Variants in PKHD1L1 observed in about 807,000 individuals in gnomAD.
PKHD1L1 encodes fibrocystin-L.
PKHD1L1 carries 434 observed loss-of-function variants against 462.9 expected under a neutral mutation model. The ratio of observed to expected loss-of-function variants is 0.94; its 90% CI spans 0.87 to 1.02. The LOEUF is 1.02. Ranked by LOEUF, PKHD1L1 falls within the 50% of genes least tolerant of loss-of-function variation. PKHD1L1 has a pLI of 0.00. For synonymous variants in PKHD1L1, 1,781 were observed against 1,750.0 expected (o/e 1.02, Z -0.44); for missense variants, 5,202 against 5,096.1 (o/e 1.02, Z -0.63).
chr8:109,379,015 G>A (rs140003005), intron 2 of PKHD1L1, among the ~76,000 whole-genome samples: 6 of 152,250 alleles, frequency 3.9e-5, no homozygotes, highest in Admixed American at 6.5e-5. Flanking sequence ...CAGTGCTAGC[G>A]CATTGGGCCC....
At chr8:109,521,412 G>A (rs1201543078) in intron 73 of PKHD1L1, among the ~76,000 whole-genome samples, 5 of 152,188 alleles carry the variant, frequency 3.3e-5, no homozygotes, top group African/African-American at 4.8e-5. Flanking sequence ...CAGTTTAAAA[G>A]TGGTTTTAGT....
chr8:109,522,440 C>A, intron 74 of PKHD1L1, 103 bp downstream of exon 74: 2 of 1,249,048 alleles, frequency 1.6e-6, no homozygotes, highest in East Asian at 2.6e-5. Flanking sequence ...AATAATTTAG[C>A]AGGCATGTCT....
chr8:109,401,142 G>A (rs1451350447), intron 13 of PKHD1L1, among the ~76,000 whole-genome samples: 1 of 152,052 alleles, frequency 6.6e-6, no homozygotes, highest in Non-Finnish European at 1.5e-5. Context: ...ATCTCTCAAA[G>A]TTCTCCACAG....
At chr8:109,387,895 A>G (rs541321543) in intron 6 of PKHD1L1, among the ~76,000 whole-genome samples, 52 of 152,298 alleles carry the variant, frequency 3.4e-4, no homozygotes, top group African/African-American at 1.3e-3. Flanking sequence ...CCAGCCTCCA[A>G]TAGCATCAGG....
At chr8:109,527,473 C>G (rs1563643080) in intron 77 of PKHD1L1, among the ~76,000 whole-genome samples, 1 of 152,134 alleles carries the variant, frequency 6.6e-6, no homozygotes, top group Non-Finnish European at 1.5e-5. Context: ...CACTGCACTC[C>G]AGCCTGCGTG....
chr8:109,477,762 T>G (rs1818067374), intron 53 of PKHD1L1, among the ~76,000 whole-genome samples: 1 of 152,164 alleles, frequency 6.6e-6, no homozygotes, highest in East Asian at 1.9e-4. Flanking sequence ...CACCAGAAAC[T>G]AAGTCTCCTC....
chr8:109,406,252 C>CGAGACA, intron 16 of PKHD1L1, 83 bp from the exon 17 acceptor site: 1 of 1,318,554 alleles, frequency 7.6e-7, no homozygotes, highest in Non-Finnish European at 1.0e-6. Flanking sequence ...AATATAAATA[C>CGAGACA]GAGACATCAG....
Position 109,486,630 on chromosome 8 carries a change from G to A in PKHD1L1, c.9707-18G>A. ...ACTTCTCAGCATTGGCAATAATCTA[G>A]CTGCCTTTATACTGCAGCTGAAAAA... is the stretch of plus-strand genomic sequence containing the variant. On this transcript the variant is annotated intron_variant, in intron 58 of 77. Coordinates refer to ENST00000378402, the MANE Select transcript of PKHD1L1 (RefSeq NM_177531.6). 1 of 1,604,024 alleles carries A rather than the reference G, an allele frequency of 6.2e-7. No homozygotes were observed. Among genetic ancestry groups the A allele is most frequent in the Non-Finnish European group, 8.5e-7 (1 of 1,174,450 alleles).
intron 17 of PKHD1L1, 139 bp from the exon 18 acceptor site, chr8:109,407,910 C>A (rs1813643184): frequency 2.3e-6 from 1 of 435,424 alleles, no homozygotes; most frequent in South Asian, 1.0e-4. Flanking sequence ...ATTCTTCCTT[C>A]TTTTCTGATA....
At chr8:109,437,182 G>A (rs907228661) in intron 30 of PKHD1L1, among the ~76,000 whole-genome samples, 1 of 152,114 alleles carries the variant, frequency 6.6e-6, no homozygotes, top group African/African-American at 2.4e-5. Flanking sequence ...CCAAAGTGCT[G>A]GGATTACAGA....
intron 18 of PKHD1L1, among the ~76,000 whole-genome samples, 159 bp from the exon 19 acceptor site, chr8:109,409,706 T>G (rs1387610779): frequency 6.6e-6 from 1 of 152,206 alleles, no homozygotes; most frequent in Admixed American, 6.5e-5. Context: ...ATTATCACAC[T>G]AACTTAAAAT....
Position 109,530,757 on chromosome 8 carries a change from T to A in PKHD1L1, c.*667T>A, listed in dbSNP as rs897991869. Among the ~76,000 whole-genome samples the A allele has an allele frequency of 6.6e-6, 1 of 152,150 alleles. No individual in the cohort carries two copies. The highest frequency in any genetic ancestry group is 2.4e-5 in the African/African-American group (1 of 41,448). ...TTTTGGAACAAGTCCAAACTCCTTC[T>A]CTGCCTACCCCTCCTTCCCACTCAA... is the stretch of plus-strand genomic sequence containing the variant. On this transcript the variant is annotated 3_prime_UTR_variant, in exon 78 of 78. Transcript: ENST00000378402.
chr8:109,460,549 G>A (rs1817065466), intron 47 of PKHD1L1, among the ~76,000 whole-genome samples: 2 of 152,076 alleles, frequency 1.3e-5, no homozygotes, highest in African/African-American at 4.8e-5. Flanking sequence ...GCACTGTCCT[G>A]TGCATCACAA....
chr8:109,498,665 T>A lies in PKHD1L1; in HGVS notation c.10722T>A (p.Ser3574Arg), dbSNP rs758356169. 1 of 1,613,908 alleles carries A rather than the reference T, an allele frequency of 6.2e-7. No homozygotes were observed. ...CTTTTTTGGTAAAAGGTGGGAGAAGTGGGATTTGTTGGCCTACCTTTGCTT... is the reference window on the plus strand; with the variant it reads ...CTTTTTTGGTAAAAGGTGGGAGAAGAGGGATTTGTTGGCCTACCTTTGCTT... ...RSPRSPSGGR[S>R]GICWPTFASA... Residue 3574 changes from serine (S) to arginine (R), a missense_variant, in exon 67 of 78, where the codon AGT (serine) becomes AGA (arginine). This residue lies in a region of PKHD1L1 where 4,497 missense variants were observed against 4,336.8 expected (regional missense o/e 1.04). Transcript: ENST00000378402.
intron 73 of PKHD1L1, 62 bp downstream of exon 73, chr8:109,518,570 C>A: frequency 7.3e-7 from 1 of 1,375,680 alleles, no homozygotes; most frequent in Non-Finnish European, 9.8e-7. Flanking sequence ...CCATAAATAA[C>A]CTGATCAGGG....
chr8:109,466,141 G>A (rs956340170), intron 49 of PKHD1L1, among the ~76,000 whole-genome samples: 14 of 152,156 alleles, frequency 9.2e-5, no homozygotes, highest in African/African-American at 2.9e-4. Context: ...ACTTTAAAGA[G>A]GGAGAATGTT....
At chr8:109,430,228 G>A (rs543248496) in intron 27 of PKHD1L1, among the ~76,000 whole-genome samples, 191 bp downstream of exon 27, 8 of 150,644 alleles carry the variant, frequency 5.3e-5, no homozygotes, top group African/African-American at 9.7e-5. Context: ...ATTTATTTTT[G>A]AAAAAAAAAT....
intron 67 of PKHD1L1, among the ~76,000 whole-genome samples, chr8:109,501,689 C>T (rs1021669119): frequency 3.9e-5 from 6 of 152,146 alleles, no homozygotes; most frequent in African/African-American, 1.4e-4. Flanking sequence ...CCTCCATCTT[C>T]ACCAAAAAGG....
At chr8:109,455,846 C>T (rs1816794205) in intron 45 of PKHD1L1, among the ~76,000 whole-genome samples, 1 of 151,978 alleles carries the variant, frequency 6.6e-6, no homozygotes, top group Non-Finnish European at 1.5e-5. Flanking sequence ...ACATAGGGCT[C>T]AATATATATA....
Sources: allele counts gnomAD v4.1 joint callset (sites outside exome capture counted in the v4.1 genomes callset), GRCh38; gene constraint gnomAD v4.1.1; regional missense constraint gnomAD v4.1.1; transcripts MANE v1.5; gene names NCBI Gene and HGNC (gene_info 2026-07-23, HGNC 2026-07-21).